Variants in COL12A1 observed in about 807,000 individuals in gnomAD.
The protein encoded by COL12A1 is collagen type XII alpha 1 chain, also known as collagen alpha-1(XII) chain.
In COL12A1, 114 loss-of-function variants were observed where a neutral mutation model predicts 349.7. That is an observed-to-expected ratio of 0.33 (90% CI 0.28 to 0.38). The LOEUF is 0.38. Among genes scored for constraint, COL12A1 ranks in the 10% least tolerant of loss-of-function variants. The pLI, the probability that COL12A1 is intolerant of heterozygous loss-of-function variation, is 1.00. For missense variants in COL12A1, 3,284 were observed against 3,756.9 expected, an observed-to-expected ratio of 0.87 and a Z score of 3.29; for synonymous variants, 1,369 against 1,329.0, an observed-to-expected ratio of 1.03 and a Z score of -0.66.
intron 2 of COL12A1, among the ~76,000 whole-genome samples, chr6:75,201,562 C>T (rs1359789955): frequency 6.6e-6 from 1 of 152,014 alleles, no homozygotes; most frequent in Non-Finnish European, 1.5e-5. Context: ...CCCAGAACTT[C>T]CACAGCTGTC....
chr6:75,117,984 G>A (rs1769169152), intron 46 of COL12A1, among the ~76,000 whole-genome samples: 1 of 152,062 alleles, frequency 6.6e-6, no homozygotes, highest in Non-Finnish European at 1.5e-5. Flanking sequence ...CAGAACTCTG[G>A]CCATCTTGAA....
intron 30 of COL12A1, 112 bp downstream of exon 30, chr6:75,138,208 T>A: frequency 8.8e-7 from 1 of 1,131,702 alleles, no homozygotes; most frequent in Non-Finnish European, 1.3e-6. Context: ...TCAATGAACA[T>A]CTTAGGATTT....
Position 75,152,170 on chromosome 6 carries a change from C to T in COL12A1, c.3796G>A (p.Val1266Met). The change falls in exon 19 of 66, where the codon GTG becomes ATG. Residue 1266 changes from valine (V) to methionine (M), a missense_variant. Around this residue, in one of 2 missense-constraint regions of COL12A1, gnomAD observed 2,601 missense variants for 2,824.8 expected, o/e 0.92. Coordinates refer to ENST00000322507, the MANE Select transcript of COL12A1 (RefSeq NM_004370.6). ...HRDKKSLLQAVANLPYKGGNT... is the reference protein window; with the variant it reads ...HRDKKSLLQAMANLPYKGGNT... ...CCTCCTTTGTACGGCAAGTTTGCCA[C>T]AGCTTGCAACAAGCTCTTCTTGTCT... 6.2e-7 allele frequency: 1 copy of T among 1,613,858 alleles called. No individual in the cohort carries two copies. Among genetic ancestry groups the T allele is most frequent in the Non-Finnish European group, 8.5e-7 (1 of 1,179,832 alleles).
intron 64 of COL12A1, among the ~76,000 whole-genome samples, chr6:75,087,962 T>A (rs1767584221): frequency 6.6e-6 from 1 of 152,176 alleles, no homozygotes; most frequent in African/African-American, 2.4e-5. Context: ...CAGAAGTATT[T>A]TATTCCAGAA....
intron 23 of COL12A1, 113 bp downstream of exon 23, chr6:75,147,562 T>C: frequency 9.3e-7 from 1 of 1,070,520 alleles, no homozygotes; most frequent in Non-Finnish European, 1.3e-6. Flanking sequence ...TCAGTAAATA[T>C]TTATAGAATG....
intron 51 of COL12A1, among the ~76,000 whole-genome samples, chr6:75,110,382 T>A (rs768001159): frequency 6.6e-6 from 1 of 152,094 alleles, no homozygotes; most frequent in Non-Finnish European, 1.5e-5. Flanking sequence ...AAACACATTC[T>A]AAAAGCACAT....
intron 14 of COL12A1, among the ~76,000 whole-genome samples, chr6:75,164,094 T>A (rs968459472): frequency 2.0e-5 from 3 of 152,182 alleles, no homozygotes; most frequent in Non-Finnish European, 4.4e-5. Context: ...TTAAACTACA[T>A]CAGCCAATAT....
In COL12A1 at chr6:75,181,216, TTA is replaced by T. The variant is rs1491398037; in HGVS notation, c.1892-7_1892-6del. 2.6e-5 allele frequency: 36 copies of T among 1,408,114 alleles called. No homozygotes were observed. In the African/African-American group the frequency reaches 5.4e-4, roughly 21 times the overall value. 87.2% of individuals were successfully genotyped at this position (1,408,114 alleles called of 1,614,324 possible). A position where few individuals can be genotyped will look rare whatever the true frequency, so the allele number is the denominator to read the frequency against. On this transcript the variant is annotated splice_polypyrimidine_tract_variant and splice_region_variant and intron_variant, in intron 10 of 65. Transcript: ENST00000322507. ...GATCCTTTGGAGGGACGTAAGCTATTTAAAAAAAAAAAAAGACAGTTAAAAAT... is the reference window on the plus strand; with the variant it reads ...GATCCTTTGGAGGGACGTAAGCTATTAAAAAAAAAAAAGACAGTTAAAAAT...
chr6:75,106,930 C>G (rs1377007284), intron 52 of COL12A1, among the ~76,000 whole-genome samples: 2 of 122,180 alleles, frequency 1.6e-5, no homozygotes, highest in African/African-American at 6.3e-5. Flanking sequence ...GAGACAGAGT[C>G]CCACTCTGTT....
intron 3 of COL12A1, among the ~76,000 whole-genome samples, 158 bp downstream of exon 3, chr6:75,194,673 A>G (rs1469459462): frequency 6.6e-6 from 1 of 152,166 alleles, no homozygotes; most frequent in East Asian, 1.9e-4. Flanking sequence ...ACTAGACTGG[A>G]AATCTGAAAC....
chr6:75,151,403 T>C (rs570109238), intron 20 of COL12A1, 116 bp from the exon 21 acceptor site: 7 of 828,554 alleles, frequency 8.4e-6, no homozygotes, highest in Middle Eastern at 3.2e-4. Flanking sequence ...CTATGAAGGT[T>C]TAATAATTAG....
In COL12A1 at chr6:75,119,613, A is replaced by C. The variant is rs41269301; in HGVS notation, c.7087-140T>G. The C allele has an allele frequency of 9.7e-4, 844 of 872,940 alleles. 5 individuals carry two copies. The highest frequency in any genetic ancestry group is 9.3e-3 in the African/African-American group (552 of 59,384). The allele number at this position is 872,940 out of a possible 1,614,324, so 54.1% of individuals were successfully genotyped here. On this transcript the variant is annotated intron_variant, in intron 44 of 65. Coordinates refer to ENST00000322507, the MANE Select transcript of COL12A1 (RefSeq NM_004370.6). ...CCTGATAGAATATTGTAAGCTCTTT[A>C]TAGCTAATATTACAACATCTACTGC... is the stretch of plus-strand genomic sequence containing the variant.
chr6:75,184,046 C>G lies in COL12A1; in HGVS notation c.1096G>C (p.Val366Leu). 1 of 1,614,168 alleles carries G rather than the reference C, an allele frequency of 6.2e-7. No homozygotes were observed. Among genetic ancestry groups the G allele is most frequent in the Middle Eastern group, 1.6e-4 (1 of 6,062 alleles). Residue 366 changes from valine to leucine, a missense_variant, in exon 9 of 66, where the codon GTC becomes CTC. This residue lies in a region of COL12A1 where 2,601 missense variants were observed against 2,824.8 expected (regional missense o/e 0.92). Transcript: ENST00000322507. ...PSPSPVTGYKVILTPMTAGSR... is the reference protein window; with the variant it reads ...PSPSPVTGYKLILTPMTAGSR... Reference sequence around the variant, plus strand: ...CCTGCAGTCATTGGTGTGAGGATGACTTTGTAGCCAGTCACTGGACTAGGA... The same window carrying G: ...CCTGCAGTCATTGGTGTGAGGATGAGTTTGTAGCCAGTCACTGGACTAGGA...
chr6:75,102,084 G>A (rs1768328997), intron 56 of COL12A1, 32 bp from the exon 57 acceptor site: 1 of 1,605,296 alleles, frequency 6.2e-7, no homozygotes, highest in Non-Finnish European at 8.5e-7. Context: ...CAGTTCTCAG[G>A]CGTTTCACAG....
chr6:75,092,757 C>G (rs1489454668), intron 60 of COL12A1, among the ~76,000 whole-genome samples: 2 of 151,142 alleles, frequency 1.3e-5, no homozygotes, highest in Admixed American at 1.3e-4. Flanking sequence ...TCATGTAACT[C>G]CTTTGGCTCT....
chr6:75,159,857 A>G (rs1246241616), intron 14 of COL12A1, among the ~76,000 whole-genome samples: 2 of 152,188 alleles, frequency 1.3e-5, no homozygotes, highest in Non-Finnish European at 2.9e-5. Flanking sequence ...TTTCAAAAAA[A>G]AATGGGATGC....
At chr6:75,203,902 A>G (rs1015483779) in intron 1 of COL12A1, among the ~76,000 whole-genome samples, 2 of 152,238 alleles carry the variant, frequency 1.3e-5, no homozygotes, top group Non-Finnish European at 2.9e-5. Flanking sequence ...GGAGGGGGAT[A>G]GGAGACTGTC....
In COL12A1 at chr6:75,188,590, G is replaced by T. The variant is rs1280618008; in HGVS notation, c.824-55C>A. The stretch of plus-strand genomic sequence containing the variant: ...AAATGGGAAATGTGCCAACTGACTT[G>T]GAGAAGTTCTTCGTTTTCTCCATCT... On this transcript the variant is annotated intron_variant, in intron 7 of 65. Coordinates refer to ENST00000322507, the MANE Select transcript of COL12A1 (RefSeq NM_004370.6). 4 of 1,570,964 alleles carry T rather than the reference G, an allele frequency of 2.5e-6. No homozygotes were observed. In the Admixed American group the frequency reaches 7.3e-5, roughly 29 times the overall value.
At chr6:75,125,410 G>T (rs764435938) in intron 39 of COL12A1, 137 bp from the exon 40 acceptor site, 102 of 690,760 alleles carry the variant, frequency 1.5e-4, no homozygotes, top group African/African-American at 2.4e-4. Context: ...ACTCACTGGG[G>T]CACATGCTAT....
Sources: gnomAD v4.1 joint callset for allele counts (sites outside exome capture counted in the v4.1 genomes callset) on GRCh38, gnomAD v4.1.1 for gene constraint, gnomAD v4.1.1 regional missense constraint, MANE v1.5 for transcripts, NCBI Gene and HGNC (gene_info 2026-07-23, HGNC 2026-07-21) for gene names.